ELP4: variants seen among roughly 807,000 people sequenced by gnomAD.
The protein encoded by ELP4 is elongator acetyltransferase complex subunit 4, also known as elongator complex protein 4.
A neutral mutation model predicts 48.9 loss-of-function variants in ELP4; 51 were observed. The observed-to-expected ratio is 1.04, with a 90% CI of 0.83 to 1.32. The LOEUF (loss-of-function observed/expected upper bound fraction) is 1.32. Ranked by LOEUF, ELP4 falls within the 40% of genes most tolerant of loss-of-function variation. ELP4 has a pLI of 0.00. For missense variants in ELP4, 519 were observed against 514.6 expected, an observed-to-expected ratio of 1.01 and a Z score of -0.08; for synonymous variants, 210 against 189.2, an observed-to-expected ratio of 1.11 and a Z score of -0.90.
chr11:31,707,343 C>A, intron 9 of ELP4: 1 of 229,202 alleles, frequency 4.4e-6, no homozygotes, highest in Non-Finnish European at 8.4e-6. Flanking sequence ...CATTTTACCA[C>A]GTGTAATCTA....
intron 1 of ELP4, among the ~76,000 whole-genome samples, chr11:31,513,405 T>A (rs1020436405): frequency 6.6e-6 from 1 of 152,162 alleles, no homozygotes; most frequent in Non-Finnish European, 1.5e-5. Flanking sequence ...AAATTTGAGA[T>A]CCAGCATTAA....
chr11:31,689,853 G>A (rs11031449), intron 9 of ELP4, among the ~76,000 whole-genome samples: 92,121 of 151,822 alleles, frequency 0.61, 31,695 homozygotes, highest in Non-Finnish European at 0.76. Flanking sequence ...TTGTGGTTGT[G>A]GTGGTGGTGG....
At chr11:31,772,429 T>C (rs2134272546) in intron 9 of ELP4, among the ~76,000 whole-genome samples, 1 of 152,344 alleles carries the variant, frequency 6.6e-6, no homozygotes, top group East Asian at 1.9e-4. Flanking sequence ...CTAAATTATC[T>C]TCTTTTTTTT....
chr11:31,635,192 A>G (rs2134050793), intron 7 of ELP4, among the ~76,000 whole-genome samples: 1 of 152,140 alleles, frequency 6.6e-6, no homozygotes, highest in East Asian at 1.9e-4. Flanking sequence ...TCTTTTGGCT[A>G]AGGAAAGAGA....
chr11:31,786,645 A>C lies in ELP4; in HGVS notation c.*3121A>C, dbSNP rs1948652863. 4.4e-6 allele frequency: 1 copy of C among 225,224 alleles called. No homozygotes were observed. Among genetic ancestry groups the C allele is most frequent in the African/African-American group, 2.2e-5 (1 of 44,828 alleles). 14.0% of individuals were successfully genotyped at this position (225,224 alleles called of 1,614,324 possible). On this transcript the variant is annotated 3_prime_UTR_variant, in exon 10 of 10. Transcript: ENST00000640961. ...ATTCACAGAACAAAGCTGAATCTTCAAATAATACTGTATGAGTGAATCTTA... is the reference window on the plus strand; with the variant it reads ...ATTCACAGAACAAAGCTGAATCTTCCAATAATACTGTATGAGTGAATCTTA...
intron 3 of ELP4, among the ~76,000 whole-genome samples, chr11:31,543,305 G>A (rs190243404): frequency 6.6e-6 from 1 of 151,954 alleles, no homozygotes; most frequent in African/African-American, 2.4e-5. Flanking sequence ...AAGTTTTGTT[G>A]TTGTTGTTGT....
intron 9 of ELP4, among the ~76,000 whole-genome samples, chr11:31,732,102 A>G (rs76712880): frequency 0.021 from 3,134 of 152,330 alleles, 102 homozygotes; most frequent in African/African-American, 0.071. Flanking sequence ...AGTAACACGA[A>G]CAGGGAAGTA....
intron 5 of ELP4, among the ~76,000 whole-genome samples, chr11:31,626,058 T>C (rs918360720): frequency 1.3e-5 from 2 of 151,886 alleles, no homozygotes; most frequent in African/African-American, 4.8e-5. Flanking sequence ...TAGACACTTT[T>C]GGTTTATTGT....
intron 9 of ELP4, among the ~76,000 whole-genome samples, chr11:31,704,622 A>G (rs2134161971): frequency 6.6e-6 from 1 of 152,296 alleles, no homozygotes; most frequent in Non-Finnish European, 1.5e-5. Flanking sequence ...TGTACCCTAG[A>G]ACTTAAAGTA....
At chr11:31,575,342 T>C (rs1957257482) in intron 3 of ELP4, among the ~76,000 whole-genome samples, 1 of 152,118 alleles carries the variant, frequency 6.6e-6, no homozygotes, top group Non-Finnish European at 1.5e-5. Flanking sequence ...ACGGGGAGAA[T>C]GGAACCAAGT....
At chr11:31,696,889 C>T (rs1338228191) in intron 9 of ELP4, among the ~76,000 whole-genome samples, 2 of 152,012 alleles carry the variant, frequency 1.3e-5, no homozygotes, top group Non-Finnish European at 2.9e-5. Context: ...AGTCAAGACC[C>T]ATCAGTGTGC....
chr11:31,625,041 A>G (rs543334910), intron 5 of ELP4, among the ~76,000 whole-genome samples: 2 of 151,600 alleles, frequency 1.3e-5, no homozygotes, highest in South Asian at 2.1e-4. Context: ...TTTCCAATAA[A>G]TAAAAGAAGT....
intron 9 of ELP4, among the ~76,000 whole-genome samples, chr11:31,781,945 T>A (rs903381432): frequency 1.3e-5 from 2 of 152,202 alleles, no homozygotes; most frequent in Non-Finnish European, 2.9e-5. Flanking sequence ...GATATTTAAT[T>A]GCTTAATAAG....
chr11:31,715,330 C>T (rs970410915), intron 9 of ELP4, among the ~76,000 whole-genome samples: 4 of 151,986 alleles, frequency 2.6e-5, no homozygotes, highest in Non-Finnish European at 4.4e-5. Context: ...TTCTATGTGG[C>T]GGACACTATA....
chr11:31,521,750 A>G (rs1592080347), intron 2 of ELP4, among the ~76,000 whole-genome samples: 1 of 152,158 alleles, frequency 6.6e-6, no homozygotes, highest in South Asian at 2.1e-4. Context: ...ATATAAATCA[A>G]TATACAGGGA....
chr11:31,585,758 G>C (rs1187198471), intron 3 of ELP4, among the ~76,000 whole-genome samples: 3 of 152,150 alleles, frequency 2.0e-5, no homozygotes, highest in African/African-American at 7.2e-5. Context: ...GCAGTAACAG[G>C]CTTATGATAG....
chr11:31,783,344 T>A (rs1400261724), intron 9 of ELP4, 49 bp from the exon 10 acceptor site: 2 of 1,578,618 alleles, frequency 1.3e-6, no homozygotes, highest in African/African-American at 2.7e-5. Flanking sequence ...AAAATTAATT[T>A]TTTTTCTTCT....
chr11:31,573,046 G>T (rs748274927), intron 3 of ELP4, among the ~76,000 whole-genome samples: 6 of 152,142 alleles, frequency 3.9e-5, no homozygotes, highest in Non-Finnish European at 8.8e-5. Flanking sequence ...GGGGCAGGAG[G>T]AGGAAGGCAG....
rs558806590 is a variant in ELP4, at chr11:31,789,785, C to T, written c.*6261C>T. 5 of 751,642 alleles carry T rather than the reference C, an allele frequency of 6.7e-6. No homozygotes were observed. Among genetic ancestry groups the T allele is most frequent in the Non-Finnish European group, 1.2e-5 (5 of 421,414 alleles). 46.6% of individuals were successfully genotyped at this position (751,642 alleles called of 1,614,324 possible). ...CCTTGTTTCAAGTCCATTCCTTCCC[C>T]AGTGGTACAATACAGGACACAATTG... is the stretch of plus-strand genomic sequence containing the variant. On this transcript the variant is annotated 3_prime_UTR_variant, in exon 10 of 10. Transcript: ENST00000640961.
Sources: allele counts gnomAD v4.1 joint callset (sites outside exome capture counted in the v4.1 genomes callset), GRCh38; gene constraint gnomAD v4.1.1; transcripts MANE v1.5; gene names NCBI Gene and HGNC (gene_info 2026-07-23, HGNC 2026-07-21).